The following SYBU variants were observed in gnomAD, a reference collection of about 807,000 sequenced individuals.
SYBU encodes the protein GOLSYN A protein.
A neutral mutation model predicts 35.9 loss-of-function variants in SYBU; 21 were observed. The observed-to-expected ratio is 0.58, with a 90% CI of 0.41 to 0.84. The LOEUF (loss-of-function observed/expected upper bound fraction) is 0.84, where lower values mean the gene tolerates loss of function less well. Among genes scored for constraint, SYBU ranks in the 40% least tolerant of loss-of-function variants. The pLI is 0.00. For missense variants in SYBU, 768 were observed against 848.2 expected, an observed-to-expected ratio of 0.91 and a Z score of 1.17; for synonymous variants, 319 against 324.3, an observed-to-expected ratio of 0.98 and a Z score of 0.18.
chr8:109,577,079 T>G (rs1822409725), intron 6 of SYBU, among the ~76,000 whole-genome samples: 1 of 152,112 alleles, frequency 6.6e-6, no homozygotes, highest in Non-Finnish European at 1.5e-5. Context: ...AAATTTCCCT[T>G]CCTCGCAGTC....
At chr8:109,590,363 A>C (rs1049039320) in intron 3 of SYBU, among the ~76,000 whole-genome samples, 2 of 152,070 alleles carry the variant, frequency 1.3e-5, no homozygotes, top group Non-Finnish European at 2.9e-5. Context: ...TCAGAAAGGG[A>C]ATATTTGGTT....
At chr8:109,593,453 G>A (rs566740982) in intron 3 of SYBU, among the ~76,000 whole-genome samples, 1 of 152,306 alleles carries the variant, frequency 6.6e-6, no homozygotes, top group Non-Finnish European at 1.5e-5. Context: ...AGGACTGGAG[G>A]GAAAGACAGA....
chr8:109,598,994 G>A (rs934823271), intron 3 of SYBU, among the ~76,000 whole-genome samples: 1 of 152,188 alleles, frequency 6.6e-6, no homozygotes, highest in East Asian at 1.9e-4. Flanking sequence ...TTAAACACCA[G>A]GAAAGTATAC....
At chr8:109,595,058 T>G (rs1222960536) in intron 3 of SYBU, among the ~76,000 whole-genome samples, 1 of 151,704 alleles carries the variant, frequency 6.6e-6, no homozygotes, top group Non-Finnish European at 1.5e-5. Flanking sequence ...AAAATAGTGC[T>G]GGCACTCAGT....
intron 3 of SYBU, among the ~76,000 whole-genome samples, chr8:109,608,938 T>C (rs1432949560): frequency 6.6e-6 from 1 of 152,192 alleles, no homozygotes; most frequent in East Asian, 1.9e-4. Context: ...TACATTCTGC[T>C]ACATATCTAA....
At chr8:109,670,390 A>T (rs1466743550) in intron 1 of SYBU, among the ~76,000 whole-genome samples, 4 of 151,866 alleles carry the variant, frequency 2.6e-5, no homozygotes, top group East Asian at 3.9e-4. Flanking sequence ...AAAAAATAAA[A>T]AAATAAAAAA....
At chr8:109,676,105 A>G (rs1204027114) in intron 1 of SYBU, among the ~76,000 whole-genome samples, 1 of 152,160 alleles carries the variant, frequency 6.6e-6, no homozygotes, top group South Asian at 2.1e-4. Flanking sequence ...CATGATAAAA[A>G]CTCTCAATAA....
At chr8:109,668,782 G>A (rs1054257742) in intron 1 of SYBU, among the ~76,000 whole-genome samples, 5 of 152,152 alleles carry the variant, frequency 3.3e-5, no homozygotes, top group African/African-American at 1.2e-4. Flanking sequence ...TCCTTCAAAC[G>A]AGTCTCAGTG....
chr8:109,597,784 A>G (rs1825061467), intron 3 of SYBU, among the ~76,000 whole-genome samples: 1 of 152,280 alleles, frequency 6.6e-6, no homozygotes, highest in African/African-American at 2.4e-5. Flanking sequence ...GCAAAGTAAA[A>G]ATTTCTATCT....
chr8:109,602,659 C>T (rs1283065621), intron 3 of SYBU, among the ~76,000 whole-genome samples: 4 of 152,198 alleles, frequency 2.6e-5, no homozygotes, highest in Non-Finnish European at 5.9e-5. Context: ...TCTCGAACTC[C>T]TGACCTCAAG....
intron 3 of SYBU, among the ~76,000 whole-genome samples, chr8:109,602,245 C>T (rs1422774132): frequency 1.3e-5 from 2 of 152,042 alleles, no homozygotes; most frequent in Non-Finnish European, 2.9e-5. Context: ...GTGCTACCCA[C>T]ATAAAAGAAC....
chr8:109,596,025 C>T (rs1165649736), intron 3 of SYBU, among the ~76,000 whole-genome samples: 1 of 152,228 alleles, frequency 6.6e-6, no homozygotes, highest in Non-Finnish European at 1.5e-5. Flanking sequence ...AGCCACAATT[C>T]TGTCTGAAGT....
intron 3 of SYBU, among the ~76,000 whole-genome samples, chr8:109,605,207 A>G (rs1265492988): frequency 6.6e-6 from 1 of 152,180 alleles, no homozygotes; most frequent in Non-Finnish European, 1.5e-5. Flanking sequence ...ATAACAATGG[A>G]ATAGAAAGTG....
rs372495769 is a variant in SYBU at position 109,575,342 on chromosome 8, G to A, written c.1556C>T (p.Ala519Val). The A allele has an allele frequency of 1.5e-5, 25 of 1,614,018 alleles. No individual in the cohort carries two copies. The African/African-American group carries it at 2.8e-4, about 18-fold the overall frequency. ...KLQDPCPSSL[A>V]SPDESEPDSM... Reference sequence around the variant, plus strand: ...GTCTGGTTCAGACTCATCAGGGGACGCCAAGCTCGAGGGACAGGGGTCCTG... The same window carrying A: ...GTCTGGTTCAGACTCATCAGGGGACACCAAGCTCGAGGGACAGGGGTCCTG... Residue 519 changes from alanine (A) to valine (V), a missense_variant, in exon 7 of 7, where the codon GCG (alanine) becomes GTG (valine). Physicochemically the swap from Ala to Val is moderately conservative, Grantham distance 64 (BLOSUM62 0). Transcript: ENST00000276646.
At chr8:109,595,314 A>C (rs1824743036) in intron 3 of SYBU, among the ~76,000 whole-genome samples, 2 of 152,344 alleles carry the variant, frequency 1.3e-5, no homozygotes, top group South Asian at 4.1e-4. Flanking sequence ...ATTATAAGTC[A>C]GTGAGTAAAT....
At chr8:109,644,361 C>G (rs1815340307) in intron 1 of SYBU, 2 of 609,556 alleles carry the variant, frequency 3.3e-6, no homozygotes, top group South Asian at 3.6e-5. Context: ...AGGATATCAA[C>G]TGAAAGCTAC....
At chr8:109,608,719 A>G (rs945443729) in intron 3 of SYBU, among the ~76,000 whole-genome samples, 2 of 152,196 alleles carry the variant, frequency 1.3e-5, no homozygotes, top group Middle Eastern at 3.2e-3. Context: ...TGGACATTCA[A>G]ATGCCTTAAA....
At chr8:109,617,035 G>A (rs968979329) in intron 3 of SYBU, among the ~76,000 whole-genome samples, 1 of 151,994 alleles carries the variant, frequency 6.6e-6, no homozygotes, top group African/African-American at 2.4e-5. Flanking sequence ...ACTTGGGAGG[G>A]TGAGGCTGGA....
intron 2 of SYBU, among the ~76,000 whole-genome samples, chr8:109,633,859 A>C (rs1257771145): frequency 1.3e-5 from 2 of 152,018 alleles, no homozygotes; most frequent in African/African-American, 4.8e-5. Context: ...TCAGCCTCCC[A>C]AGTAGCTGGA....
Sources: allele counts gnomAD v4.1 joint callset (sites outside exome capture counted in the v4.1 genomes callset), GRCh38; gene constraint gnomAD v4.1.1; transcripts MANE v1.5; gene names NCBI Gene and HGNC (gene_info 2026-07-23, HGNC 2026-07-21).